Variants in CDH7 observed in about 807,000 individuals in gnomAD.
CDH7 encodes the protein cadherin 7, also known as cadherin-7.
A neutral mutation model predicts 71.8 loss-of-function variants in CDH7; 25 were observed. The observed-to-expected ratio is 0.35, with a 90% CI of 0.25 to 0.49. The LOEUF is 0.49. Among genes scored for constraint, CDH7 ranks in the 20% least tolerant of loss-of-function variants. The pLI is 0.99. For synonymous variants in CDH7, 381 were observed against 363.8 expected (o/e 1.05, Z -0.54); for missense variants, 862 against 974.6 (o/e 0.88, Z 1.54).
At chr18:65,874,480 A>T (rs1231878446) in intron 11 of CDH7, among the ~76,000 whole-genome samples, 3 of 152,096 alleles carry the variant, frequency 2.0e-5, no homozygotes, top group African/African-American at 7.2e-5. Context: ...GTACACATGG[A>T]TATAGCATGG....
intron 3 of CDH7, among the ~76,000 whole-genome samples, chr18:65,810,203 A>G (rs1010306239): frequency 1.3e-5 from 2 of 152,148 alleles, no homozygotes; most frequent in Admixed American, 6.6e-5. Context: ...TGTATGGAAT[A>G]TTAGGAAATT....
chr18:65,846,057 C>T (rs543887026), intron 7 of CDH7, among the ~76,000 whole-genome samples: 1 of 151,960 alleles, frequency 6.6e-6, no homozygotes, highest in African/African-American at 2.4e-5. Flanking sequence ...TCTGTTGAAG[C>T]CTTTCATAGA....
At chr18:65,782,174 C>CTTTCTTTCTTTCTTTTCTTTTCT (rs1910332263) in intron 2 of CDH7, among the ~76,000 whole-genome samples, 5 of 108,276 alleles carry the variant, frequency 4.6e-5, no homozygotes, top group African/African-American at 2.2e-4. Flanking sequence ...TCCTTTCTTT[C>CTTTCTTTCTTTCTTTTCTTTTCT]TTTCTTTCTT....
intron 2 of CDH7, among the ~76,000 whole-genome samples, chr18:65,802,918 G>A (rs1222546756): frequency 6.6e-6 from 1 of 152,138 alleles, no homozygotes; most frequent in Non-Finnish European, 1.5e-5. Flanking sequence ...AAGTAACCAT[G>A]TCATAGGCAC....
At chr18:65,834,669 A>G (rs183132714) in intron 6 of CDH7, among the ~76,000 whole-genome samples, 35 of 152,324 alleles carry the variant, frequency 2.3e-4, no homozygotes, top group African/African-American at 8.2e-4. Flanking sequence ...GACATCTATG[A>G]TACGTAGTAA....
intron 2 of CDH7, among the ~76,000 whole-genome samples, chr18:65,799,011 A>G (rs1250684449): frequency 2.0e-5 from 3 of 152,066 alleles, no homozygotes; most frequent in African/African-American, 7.2e-5. Context: ...TCCTGCTGGA[A>G]TTCACAAGAA....
At chr18:65,778,198 G>A (rs1303235713) in intron 2 of CDH7, among the ~76,000 whole-genome samples, 1 of 149,490 alleles carries the variant, frequency 6.7e-6, no homozygotes, top group Non-Finnish European at 1.5e-5. Context: ...CTTGAACCCA[G>A]GAGGGAGAGG....
At chr18:65,805,822 A>G (rs952805761) in intron 2 of CDH7, among the ~76,000 whole-genome samples, 1 of 152,204 alleles carries the variant, frequency 6.6e-6, no homozygotes, top group Non-Finnish European at 1.5e-5. Context: ...TGTAGACAAA[A>G]ACGTTTAATG....
chr18:65,821,922 C>T (rs1911943714), intron 4 of CDH7, among the ~76,000 whole-genome samples, 159 bp from the exon 5 acceptor site: 1 of 152,024 alleles, frequency 6.6e-6, no homozygotes, highest in African/African-American at 2.4e-5. Context: ...GTAAAACTAT[C>T]CTATTTCTTT....
At position 65,884,561 on chromosome 18, in the gene CDH7, G is replaced by A. The variant is rs898479793; in HGVS notation, c.*3667G>A. The A allele has an allele frequency of 5.3e-5, 8 of 152,110 alleles. No homozygotes were observed. The highest frequency in any genetic ancestry group is 1.9e-4 in the African/African-American group (8 of 41,398). 9.4% of individuals were successfully genotyped at this position (152,110 alleles called of 1,614,324 possible). On this transcript the variant is annotated 3_prime_UTR_variant, in exon 12 of 12. Coordinates refer to ENST00000397968, the MANE Select transcript of CDH7 (RefSeq NM_004361.5). ...ACAATTACATTTACTACATTGGATG[G>A]TAGACATAGGCAATTATTTTCATGT...
At chr18:65,875,625 A>G (rs1568233251) in intron 11 of CDH7, among the ~76,000 whole-genome samples, 1 of 152,134 alleles carries the variant, frequency 6.6e-6, no homozygotes. Flanking sequence ...GGTGGCTCAC[A>G]CCTGTAATGC....
chr18:65,847,266 C>A (rs1196885365), intron 7 of CDH7, among the ~76,000 whole-genome samples: 1 of 152,146 alleles, frequency 6.6e-6, no homozygotes, highest in Non-Finnish European at 1.5e-5. Flanking sequence ...TTGTGCTTTA[C>A]ACCTTTAGCA....
At chr18:65,820,951 A>G (rs1911902700) in intron 4 of CDH7, among the ~76,000 whole-genome samples, 1 of 152,176 alleles carries the variant, frequency 6.6e-6, no homozygotes, top group Non-Finnish European at 1.5e-5. Context: ...GATGAGTCAA[A>G]TTTAAAAAAA....
chr18:65,841,618 A>G (rs1005926976), intron 6 of CDH7, among the ~76,000 whole-genome samples: 5 of 152,192 alleles, frequency 3.3e-5, no homozygotes, highest in African/African-American at 1.2e-4. Flanking sequence ...TTTTAGGTAA[A>G]TGAGAATGCT....
intron 6 of CDH7, among the ~76,000 whole-genome samples, chr18:65,841,572 TA>T (rs1294691854): frequency 2.6e-5 from 4 of 152,196 alleles, no homozygotes; most frequent in African/African-American, 9.6e-5. Flanking sequence ...GGTTATTATC[TA>T]AACTGCGAGT....
chr18:65,867,216 TA>T (rs1913791312), intron 11 of CDH7, among the ~76,000 whole-genome samples: 1 of 152,058 alleles, frequency 6.6e-6, no homozygotes, highest in African/African-American at 2.4e-5. Context: ...TTTGTATTTT[TA>T]TTAGAGATGG....
intron 2 of CDH7, among the ~76,000 whole-genome samples, chr18:65,800,828 C>G (rs2143882323): frequency 6.6e-6 from 1 of 152,240 alleles, no homozygotes; most frequent in South Asian, 2.1e-4. Flanking sequence ...GTTACTCAGT[C>G]AGAGTATCCC....
intron 2 of CDH7, among the ~76,000 whole-genome samples, chr18:65,789,748 G>C (rs1372467804): frequency 6.6e-6 from 1 of 152,098 alleles, no homozygotes; most frequent in African/African-American, 2.4e-5. Context: ...TGGAGTTGAG[G>C]ATCTTAGGAG....
intron 1 of CDH7, among the ~76,000 whole-genome samples, chr18:65,759,947 G>A (rs1002005229): frequency 2.0e-5 from 3 of 152,058 alleles, no homozygotes; most frequent in Non-Finnish European, 4.4e-5. Flanking sequence ...GTACTTTGGC[G>A]CCTTTGTATT....
Sources: gnomAD v4.1 joint callset for allele counts (sites outside exome capture counted in the v4.1 genomes callset) on GRCh38, gnomAD v4.1.1 for gene constraint, MANE v1.5 for transcripts, NCBI Gene and HGNC (gene_info 2026-07-23, HGNC 2026-07-21) for gene names.